Variants in MACROD2 observed in about 807,000 individuals in gnomAD.
MACROD2 encodes the protein mono-ADP ribosylhydrolase 2.
In MACROD2, 36 loss-of-function variants were observed where a neutral mutation model predicts 70.4. The observed-to-expected ratio is 0.51, with a 90% CI of 0.39 to 0.68. The LOEUF (loss-of-function observed/expected upper bound fraction) is 0.68. MACROD2 is among the 30% of genes least tolerant of loss of function. The pLI is 0.00. For synonymous variants in MACROD2, 172 were observed against 178.8 expected (o/e 0.96, Z 0.30); for missense variants, 496 against 538.4 (o/e 0.92, Z 0.78).
intron 6 of MACROD2, among the ~76,000 whole-genome samples, chr20:15,383,778 C>A (rs1359167748): frequency 6.6e-6 from 1 of 152,110 alleles, no homozygotes; most frequent in African/African-American, 2.4e-5. Flanking sequence ...AGAAACATTT[C>A]ATTTTCCAAG....
At chr20:14,993,650 A>T (rs1410362028) in intron 5 of MACROD2, among the ~76,000 whole-genome samples, 1 of 152,200 alleles carries the variant, frequency 6.6e-6, no homozygotes, top group African/African-American at 2.4e-5. Context: ...TAACAAGAAA[A>T]AAAATCTGAA....
chr20:14,229,335 A>T (rs1000859609), intron 3 of MACROD2, among the ~76,000 whole-genome samples: 2 of 152,252 alleles, frequency 1.3e-5, no homozygotes, highest in Non-Finnish European at 2.9e-5. Flanking sequence ...ATCTGATAAA[A>T]GACTGGTATC....
chr20:14,229,871 G>A (rs962525988), intron 3 of MACROD2, among the ~76,000 whole-genome samples: 1 of 152,098 alleles, frequency 6.6e-6, no homozygotes, highest in Non-Finnish European at 1.5e-5. Context: ...GATATAATGC[G>A]GAGACACTGC....
chr20:15,146,102 C>A (rs2076228369), intron 5 of MACROD2, among the ~76,000 whole-genome samples: 1 of 152,088 alleles, frequency 6.6e-6, no homozygotes, highest in African/African-American at 2.4e-5. Flanking sequence ...AGCTTTGATA[C>A]ATTCTGCAAC....
intron 4 of MACROD2, among the ~76,000 whole-genome samples, chr20:14,543,469 G>A (rs1299425020): frequency 6.6e-6 from 1 of 152,052 alleles, no homozygotes; most frequent in Non-Finnish European, 1.5e-5. Context: ...CACTTTTTAA[G>A]GTGAAGCCAT....
rs561490032 is a variant in MACROD2, at chr20:15,924,494, G to A, written c.776-8782G>A. Among the ~76,000 whole-genome samples, 3 of 152,264 alleles carry A rather than the reference G, an allele frequency of 2.0e-5. No individual in the cohort carries two copies. The South Asian group carries it at 6.2e-4, about 32-fold the overall frequency. On this transcript the variant is annotated intron_variant, in intron 10 of 17. Coordinates refer to ENST00000684519, the MANE Select transcript of MACROD2 (RefSeq NM_001351661.2). ...AACATTTATTCATATCTACATAGAG[G>A]AAACAACTTTTTTTTATTTTTCTCT...
At chr20:14,546,166 T>A (rs947331886) in intron 4 of MACROD2, among the ~76,000 whole-genome samples, 6 of 152,218 alleles carry the variant, frequency 3.9e-5, no homozygotes, top group African/African-American at 1.4e-4. Flanking sequence ...TTGTAGATAT[T>A]AGGAACTGTT....
intron 6 of MACROD2, among the ~76,000 whole-genome samples, chr20:15,425,204 A>G (rs1341301313): frequency 6.6e-6 from 1 of 152,218 alleles, no homozygotes; most frequent in Non-Finnish European, 1.5e-5. Flanking sequence ...GTGATTCATA[A>G]GTACTGGATC....
chr20:15,611,376 C>T lies in MACROD2; in HGVS notation c.645+111529C>T, dbSNP rs866632746. ...GCCACCAAGCTGTGTCCATTGGCATCCAGCTTCCTCTGCACATCATTTAAT... is the reference window on the plus strand; with the variant it reads ...GCCACCAAGCTGTGTCCATTGGCATTCAGCTTCCTCTGCACATCATTTAAT... On this transcript the variant is annotated intron_variant, in intron 8 of 17. Transcript: ENST00000684519. Among the ~76,000 whole-genome samples the T allele has an allele frequency of 3.9e-5, 6 of 152,248 alleles. No individual in the cohort carries two copies. In the South Asian group the frequency reaches 8.3e-4, roughly 21 times the overall value.
chr20:14,540,879 A>G (rs1278181056), intron 4 of MACROD2, among the ~76,000 whole-genome samples: 4 of 152,164 alleles, frequency 2.6e-5, no homozygotes, highest in Non-Finnish European at 5.9e-5. Flanking sequence ...AGACTTTATA[A>G]TGAGCTCATG....
chr20:14,513,740 A>G (rs1040177509), intron 4 of MACROD2, among the ~76,000 whole-genome samples: 3 of 152,100 alleles, frequency 2.0e-5, no homozygotes, highest in African/African-American at 7.2e-5. Context: ...AAATAACATT[A>G]CAACAAAGCA....
intron 7 of MACROD2, among the ~76,000 whole-genome samples, chr20:15,493,563 T>C (rs1448271091): frequency 6.6e-6 from 1 of 152,222 alleles, no homozygotes; most frequent in Non-Finnish European, 1.5e-5. Flanking sequence ...TAGTGGAATA[T>C]GCTAGAGTTC....
chr20:15,893,067 A>C, intron 10 of MACROD2: 1 of 398,756 alleles, frequency 2.5e-6, no homozygotes, highest in Non-Finnish European at 4.4e-6. Context: ...AACATATTTA[A>C]TTTTTAAATT....
chr20:15,888,848 G>A (rs867111615), intron 10 of MACROD2, among the ~76,000 whole-genome samples: 5 of 152,230 alleles, frequency 3.3e-5, no homozygotes, highest in Middle Eastern at 3.4e-3. Context: ...ACATTGGTGT[G>A]CATGCTGGCT....
At chr20:15,821,684 C>A (rs187108503) in intron 8 of MACROD2, among the ~76,000 whole-genome samples, 10 of 152,234 alleles carry the variant, frequency 6.6e-5, no homozygotes, top group Admixed American at 4.6e-4. Context: ...TGTCATTATT[C>A]TCTGAACAAT....
rs940543388 is a variant in MACROD2, at chr20:15,348,784, G to T, written c.541-82621G>T. 3.9e-5 allele frequency among the ~76,000 whole-genome samples: 6 copies of T among 152,058 alleles called. No homozygotes were observed. In the South Asian group the frequency reaches 1.2e-3, roughly 32 times the overall value. Reference sequence around the variant, plus strand: ...AGGAAAGACCTGCCCCCGTGTTTCAGTTACCTTCCACCAGGTAGGTAATTG... The same window carrying T: ...AGGAAAGACCTGCCCCCGTGTTTCATTTACCTTCCACCAGGTAGGTAATTG... On this transcript the variant is annotated intron_variant, in intron 6 of 17. Transcript: ENST00000684519.
At chr20:14,995,711 G>C (rs2074943621) in intron 5 of MACROD2, among the ~76,000 whole-genome samples, 1 of 151,948 alleles carries the variant, frequency 6.6e-6, no homozygotes, top group South Asian at 2.1e-4. Context: ...AAGAAATTCA[G>C]AAATGACTTA....
Position 14,684,869 on chromosome 20 carries a change from G to A in MACROD2, c.328G>A (p.Gly110Ser). 1.2e-6 allele frequency: 2 copies of A among 1,613,922 alleles called. No homozygotes were observed. Among genetic ancestry groups the A allele is most frequent in the Non-Finnish European group, 8.5e-7 (1 of 1,179,898 alleles). The change falls in exon 5 of 18, where the codon GGC (glycine) becomes AGC (serine). Residue 110 changes from glycine to serine, a missense_variant. Physicochemically the swap from Gly to Ser is moderately conservative, Grantham distance 56. Transcript: ENST00000684519. ...GGATGGCTGTATTCATAGAGCAGCC[G>A]GCCCCTGTTTGCTAGCTGAATGTCG... ...GVDGCIHRAAGPCLLAECRNL... is the reference protein window; with the variant it reads ...GVDGCIHRAASPCLLAECRNL...
intron 5 of MACROD2, among the ~76,000 whole-genome samples, chr20:15,201,542 T>C (rs562161173): frequency 6.6e-6 from 1 of 152,344 alleles, no homozygotes; most frequent in East Asian, 1.9e-4. Flanking sequence ...TCAACTCTAA[T>C]TCATGAATAC....
Sources: gnomAD v4.1 joint callset for allele counts (sites outside exome capture counted in the v4.1 genomes callset) on GRCh38, gnomAD v4.1.1 for gene constraint, MANE v1.5 for transcripts, NCBI Gene and HGNC (gene_info 2026-07-23, HGNC 2026-07-21) for gene names.